The following TTYH3 variants were observed in gnomAD, a reference collection of about 807,000 sequenced individuals.
The protein encoded by TTYH3 is tweety family member 3, also known as protein tweety homolog 3.
In TTYH3, 23 loss-of-function variants were observed where a neutral mutation model predicts 68.2. The observed-to-expected ratio is 0.34, with a 90% CI of 0.24 to 0.48. The LOEUF is 0.48. Ranked by LOEUF, TTYH3 falls within the 20% of genes least tolerant of loss-of-function variation. The pLI, the probability that TTYH3 is intolerant of heterozygous loss-of-function variation, is 0.99. For missense variants in TTYH3, 768 were observed against 727.7 expected, an observed-to-expected ratio of 1.06 and a Z score of -0.64; for synonymous variants, 360 against 332.8, an observed-to-expected ratio of 1.08 and a Z score of -0.89.
rs1583550039 is a variant in TTYH3, at chr7:2,632,393, A to C, written c.123+115A>C. ...CTAAAGACCCCTCATCCCCCCCTCC[A>C]GGGTCACGGCCACCTCCTCCTCGCA... On this transcript the variant is annotated intron_variant, in intron 1 of 13. Transcript: ENST00000258796. 2.7e-6 allele frequency: 3 copies of C among 1,096,028 alleles called. No homozygotes were observed. In the African/African-American group the frequency reaches 5.6e-5, roughly 20 times the overall value. 67.9% of individuals were successfully genotyped at this position (1,096,028 alleles called of 1,614,324 possible).
At chr7:2,649,336 C>T (rs1051270669) in intron 5 of TTYH3, among the ~76,000 whole-genome samples, 2 of 152,130 alleles carry the variant, frequency 1.3e-5, no homozygotes, top group Non-Finnish European at 2.9e-5. Flanking sequence ...CGTGGCCCTC[C>T]AGTCCTGCTT....
At chr7:2,654,752 G>T (rs983752517) in intron 9 of TTYH3, among the ~76,000 whole-genome samples, 1 of 152,140 alleles carries the variant, frequency 6.6e-6, no homozygotes, top group Non-Finnish European at 1.5e-5. Context: ...CTCTGTGGGT[G>T]TCTGTGTCTT....
chr7:2,637,260 C>T (rs1378600819), intron 1 of TTYH3, among the ~76,000 whole-genome samples: 2 of 152,156 alleles, frequency 1.3e-5, no homozygotes, highest in Non-Finnish European at 2.9e-5. Context: ...GCTCTGACCC[C>T]CGGCCGGGGG....
At chr7:2,633,213 C>T (rs12670393) in intron 1 of TTYH3, among the ~76,000 whole-genome samples, 21,385 of 152,058 alleles carry the variant, frequency 0.14, 1,810 homozygotes, top group East Asian at 0.32. Context: ...CCTGGTCACC[C>T]GGAGTTTCTC....
In TTYH3 at chr7:2,649,928, T is replaced by G; in HGVS notation, c.811T>G (p.Cys271Gly). 1 of 1,613,930 alleles carries G rather than the reference T, an allele frequency of 6.2e-7. No homozygotes were observed. The highest frequency in any genetic ancestry group is 8.5e-7 in the Non-Finnish European group (1 of 1,179,936). Residue 271 changes from cysteine (C) to glycine (G), a missense_variant, in exon 7 of 14, where the codon TGT becomes GGT. Coordinates refer to ENST00000258796, the MANE Select transcript of TTYH3 (RefSeq NM_025250.3). ...LAVSVGSSDF[C>G]VDPDAYVTKM... is the part of the protein sequence containing the mutation. The stretch of plus-strand genomic sequence containing the variant: ...CCCACCTCAGGGCTCCAGCGACTTC[T>G]GTGTGGACCCTGACGCCTACGTGAC...
chr7:2,652,754 C>CG (rs1177476737), intron 8 of TTYH3, 164 bp from the exon 9 acceptor site: 3 of 618,076 alleles, frequency 4.9e-6, no homozygotes, highest in South Asian at 3.9e-5. Context: ...GGGTGTGTCC[C>CG]GGGGGAAGCA....
chr7:2,651,698 T>C (rs1456480398), intron 7 of TTYH3, among the ~76,000 whole-genome samples: 1 of 152,268 alleles, frequency 6.6e-6, no homozygotes, highest in Non-Finnish European at 1.5e-5. Flanking sequence ...CCTGGTGCTC[T>C]CCTATGTTGT....
chr7:2,642,727 C>G (rs1176646375), intron 1 of TTYH3, among the ~76,000 whole-genome samples: 1 of 148,146 alleles, frequency 6.8e-6, no homozygotes, highest in Non-Finnish European at 1.5e-5. Flanking sequence ...GACCCTGTCT[C>G]TAAAATAATT....
intron 11 of TTYH3, among the ~76,000 whole-genome samples, chr7:2,657,700 C>A (rs1402481252): frequency 6.6e-6 from 1 of 152,212 alleles, no homozygotes; most frequent in Non-Finnish European, 1.5e-5. Context: ...TGAGCCACTG[C>A]ACGTGAGGGG....
In TTYH3 at chr7:2,647,504, C is replaced by T. The variant is rs1232983748; in HGVS notation, c.492C>T (p.Pro164=). ...GGCAGCTGGCCGGGCGGCCCGAGCC[C>T]CTGCGAGCCGTACAGAGGCTGCAGG... ...LERQLAGRPE[P]LRAVQRLQGL... The change falls in exon 4 of 14, where the codon CCC becomes CCT. Residue 164 remains proline, a synonymous_variant. Coordinates refer to ENST00000258796, the MANE Select transcript of TTYH3 (RefSeq NM_025250.3). The T allele has an allele frequency of 6.5e-7, 1 of 1,541,936 alleles. No individual in the cohort carries two copies. Among genetic ancestry groups the T allele is most frequent in the South Asian group, 1.2e-5 (1 of 83,942 alleles).
At chr7:2,657,428 A>T (rs1332121242) in intron 11 of TTYH3, among the ~76,000 whole-genome samples, 1 of 150,184 alleles carries the variant, frequency 6.7e-6, no homozygotes, top group Non-Finnish European at 1.5e-5. Flanking sequence ...GGTGATGGTG[A>T]TGGTGATGGT....
chr7:2,636,081 C>T (rs1350259735), intron 1 of TTYH3, among the ~76,000 whole-genome samples: 6 of 152,230 alleles, frequency 3.9e-5, no homozygotes, highest in Admixed American at 3.9e-4. Context: ...GATCTGAGCT[C>T]TGGGAGTAGG....
At chr7:2,653,490 T>C (rs928226980) in intron 9 of TTYH3, among the ~76,000 whole-genome samples, 22 of 152,178 alleles carry the variant, frequency 1.4e-4, no homozygotes, top group African/African-American at 2.7e-4. Context: ...CCTGGGGGCA[T>C]TGTGGAAATT....
chr7:2,659,156 A>G, intron 13 of TTYH3, 141 bp downstream of exon 13: 1 of 841,002 alleles, frequency 1.2e-6, no homozygotes, highest in Non-Finnish European at 1.9e-6. Flanking sequence ...CCGGGGTCCC[A>G]GGTGACCCTT....
intron 12 of TTYH3, 110 bp downstream of exon 12, chr7:2,658,569 C>G: frequency 7.3e-7 from 1 of 1,364,016 alleles, no homozygotes; most frequent in Non-Finnish European, 9.9e-7. Context: ...GGGCGGCCTC[C>G]GGGCTGGGCA....
At chr7:2,649,836 G>T in intron 6 of TTYH3, 77 bp from the exon 7 acceptor site, 1 of 1,545,238 alleles carries the variant, frequency 6.5e-7, no homozygotes, top group Non-Finnish European at 8.9e-7. Context: ...AGACTCCAGG[G>T]GACGGGTTCT....
intron 5 of TTYH3, among the ~76,000 whole-genome samples, chr7:2,649,244 C>T (rs534134570): frequency 2.0e-5 from 3 of 152,116 alleles, no homozygotes; most frequent in East Asian, 1.9e-4. Context: ...CGGCGGGATG[C>T]GGGGACCCAC....
At chr7:2,655,538 C>A (rs532483465) in intron 9 of TTYH3, among the ~76,000 whole-genome samples, 83 of 152,306 alleles carry the variant, frequency 5.4e-4, no homozygotes, top group African/African-American at 2.0e-3. Flanking sequence ...GAGTCGCTGT[C>A]AGCCTGGCAG....
At position 2,632,023 on chromosome 7, in the gene TTYH3, C is replaced by G. The variant is rs1050153786; in HGVS notation, c.-133C>G. ...GCAGCCGAGCCGGGCCGAGCCGGGCCGGGCCGGGCCCAGGAGCGCGCGGAT... is the reference window on the plus strand; with the variant it reads ...GCAGCCGAGCCGGGCCGAGCCGGGCGGGGCCGGGCCCAGGAGCGCGCGGAT... On this transcript the variant is annotated 5_prime_UTR_variant, in exon 1 of 14. Coordinates refer to ENST00000258796, the MANE Select transcript of TTYH3 (RefSeq NM_025250.3). 7.9e-6 allele frequency: 6 copies of G among 761,030 alleles called. No individual in the cohort carries two copies. The highest frequency in any genetic ancestry group is 3.8e-5 in the African/African-American group (2 of 52,576). The allele number at this position is 761,030 out of a possible 1,614,324, so 47.1% of individuals were successfully genotyped here.
Sources: gnomAD v4.1 joint callset for allele counts (sites outside exome capture counted in the v4.1 genomes callset) on GRCh38, gnomAD v4.1.1 for gene constraint, MANE v1.5 for transcripts, NCBI Gene and HGNC (gene_info 2026-07-23, HGNC 2026-07-21) for gene names.